The following KCNQ3 variants were observed in gnomAD, a reference collection of about 807,000 sequenced individuals.
KCNQ3 encodes potassium voltage-gated channel subfamily KQT member 3.
A neutral mutation model predicts 92.5 loss-of-function variants in KCNQ3; 30 were observed. The observed-to-expected ratio is 0.32, with a 90% CI of 0.24 to 0.44. KCNQ3 has a LOEUF of 0.44. Among genes scored for constraint, KCNQ3 ranks in the 20% least tolerant of loss-of-function variants. The pLI is 1.00. For missense variants in KCNQ3, 913 were observed against 1,140.3 expected (o/e 0.80, Z 2.87); for synonymous variants, 450 against 468.8 (o/e 0.96, Z 0.52).
chr8:132,335,006 C>T, intron 1 of KCNQ3, among the ~76,000 whole-genome samples: 1 of 147,144 alleles, frequency 6.8e-6, no homozygotes, highest in Non-Finnish European at 1.5e-5. Context: ...TCCTTCCTTC[C>T]TTCCTTCCTT....
chr8:132,332,501 T>C (rs891277319), intron 1 of KCNQ3, among the ~76,000 whole-genome samples: 10 of 152,224 alleles, frequency 6.6e-5, no homozygotes, highest in African/African-American at 2.2e-4. Flanking sequence ...ACAGAGATGA[T>C]GAATCAATTC....
intron 1 of KCNQ3, among the ~76,000 whole-genome samples, chr8:132,332,558 C>G (rs904122203): frequency 6.6e-5 from 10 of 152,212 alleles, no homozygotes; most frequent in Admixed American, 5.2e-4. Flanking sequence ...GGTGACCTAA[C>G]AGTGGGTTCC....
Position 132,480,244 on chromosome 8 carries a change from C to T in KCNQ3, c.289G>A (p.Val97Ile), listed in dbSNP as rs1377968627. ...LLAKTPLSRP[V>I]KRNNAKYRRI... ...CGGTACTTGGCGTTGTTTCTCTTGA[C>T]TGGGCGGCTCAGCGGGGTCTTGGCC... is the stretch of plus-strand genomic sequence containing the variant. The change falls in exon 1 of 15, where the codon GTC becomes ATC. Residue 97 changes from valine to isoleucine, a missense_variant. Val to Ile is a conservative substitution (Grantham distance 29). Around this residue, in one of 6 missense-constraint regions of KCNQ3, gnomAD observed 183 missense variants for 167.7 expected, o/e 1.09. Transcript: ENST00000388996. The T allele has an allele frequency of 6.2e-7, 1 of 1,613,228 alleles. No homozygotes were observed. Among genetic ancestry groups the T allele is most frequent in the Admixed American group, 1.7e-5 (1 of 59,980 alleles).
Position 132,450,238 on chromosome 8 carries a change from G to A in KCNQ3, c.386+29909C>T, listed in dbSNP as rs371194160. Among the ~76,000 whole-genome samples, 31 of 152,200 alleles carry A rather than the reference G, an allele frequency of 2.0e-4. No individual in the cohort carries two copies. In the East Asian group the frequency reaches 4.5e-3, roughly 22 times the overall value. ...GTCCTGCTGATTGGTCCATTTTACA[G>A]AGTGCTGATTGGTCCATTTTACAGA... On this transcript the variant is annotated intron_variant, in intron 1 of 14. Coordinates refer to ENST00000388996, the MANE Select transcript of KCNQ3 (RefSeq NM_004519.4).
chr8:132,138,149 C>A (rs755207352), intron 11 of KCNQ3, 133 bp from the exon 12 acceptor site: 26 of 1,026,834 alleles, frequency 2.5e-5, no homozygotes, highest in Admixed American at 1.9e-4. Flanking sequence ...GAACTTCCAA[C>A]GTTTGGTTCT....
rs1003748776 is a variant in KCNQ3 at position 132,261,065 on chromosome 8, A to G, written c.387-74884T>C. On this transcript the variant is annotated intron_variant, in intron 1 of 14. Transcript: ENST00000388996. ...TCACTCCAGAAAGAAACCCCATACC[A>G]ATTCACTATGCTCAACAGCCCTAGT... is the stretch of plus-strand genomic sequence containing the variant. 9.9e-5 allele frequency among the ~76,000 whole-genome samples: 15 copies of G among 152,192 alleles called. 1 individual carries two copies. Among genetic ancestry groups the G allele is most frequent in the Admixed American group, 9.8e-4 (15 of 15,282 alleles).
chr8:132,347,575 A>C (rs539624084), intron 1 of KCNQ3, among the ~76,000 whole-genome samples: 1 of 152,326 alleles, frequency 6.6e-6, no homozygotes, highest in East Asian at 1.9e-4. Context: ...CCCTCAGAGC[A>C]AAGGGCAGCA....
At chr8:132,165,904 A>G (rs1013578281) in intron 8 of KCNQ3, among the ~76,000 whole-genome samples, 3 of 152,260 alleles carry the variant, frequency 2.0e-5, no homozygotes, top group Admixed American at 6.5e-5. Context: ...TAAAGCTTAA[A>G]TAAGATAGTA....
chr8:132,229,532 AATTC>A (rs1342896470), intron 1 of KCNQ3, among the ~76,000 whole-genome samples: 2 of 152,052 alleles, frequency 1.3e-5, no homozygotes, highest in East Asian at 3.9e-4. Flanking sequence ...AAGTTGATGA[AATTC>A]ATTTTGAAGG....
chr8:132,320,124 CTG>C (rs1368498397), intron 1 of KCNQ3, among the ~76,000 whole-genome samples: 1 of 152,184 alleles, frequency 6.6e-6, no homozygotes. Flanking sequence ...CTTTGGGAAA[CTG>C]GTATGTGGTT....
At chr8:132,356,086 T>C (rs1819011095) in intron 1 of KCNQ3, among the ~76,000 whole-genome samples, 1 of 152,188 alleles carries the variant, frequency 6.6e-6, no homozygotes, top group Non-Finnish European at 1.5e-5. Flanking sequence ...TCTATAAAAA[T>C]GGTGAAAATC....
chr8:132,478,031 C>T (rs997816978), intron 1 of KCNQ3, among the ~76,000 whole-genome samples: 5 of 152,086 alleles, frequency 3.3e-5, no homozygotes, highest in Non-Finnish European at 7.4e-5. Context: ...TCTAATAGTA[C>T]TGTGTGAGGA....
chr8:132,129,772 G>A lies in KCNQ3; in HGVS notation c.2109C>T (p.Thr703=), dbSNP rs768147148. The A allele has an allele frequency of 6.2e-7, 1 of 1,614,182 alleles. No homozygotes were observed. The highest frequency in any genetic ancestry group is 2.2e-5 in the East Asian group (1 of 44,856). Residue 703 remains threonine (T), a synonymous_variant, in exon 15 of 15, where the codon ACC becomes ACT. Coordinates refer to ENST00000388996, the MANE Select transcript of KCNQ3 (RefSeq NM_004519.4). This position sits in a 1 kb window ranked among gnomAD's most constrained non-coding sequence, Gnocchi z 5.9. The part of the protein sequence containing the change: ...PEPPYSFHQV[T]IDKVSPYGFF... ...ACCCATAGGGGCTGACTTTGTCAAT[G>A]GTCACCTGGTGGAAGCTGTAGGGTG...
At chr8:132,338,774 T>A (rs904998808) in intron 1 of KCNQ3, among the ~76,000 whole-genome samples, 3 of 152,030 alleles carry the variant, frequency 2.0e-5, no homozygotes, top group Non-Finnish European at 4.4e-5. Flanking sequence ...TGGCAGAAAA[T>A]AGGCAGGAAA....
chr8:132,443,554 C>T (rs1193117306), intron 1 of KCNQ3, among the ~76,000 whole-genome samples: 1 of 151,784 alleles, frequency 6.6e-6, no homozygotes, highest in African/African-American at 2.4e-5. Flanking sequence ...AATCCATCAT[C>T]CCCCACTACC....
intron 1 of KCNQ3, among the ~76,000 whole-genome samples, chr8:132,287,617 C>T (rs570838145): frequency 6.6e-6 from 1 of 152,276 alleles, no homozygotes; most frequent in South Asian, 2.1e-4. Context: ...ATATTTTATT[C>T]CTTGCTACAA....
intron 1 of KCNQ3, among the ~76,000 whole-genome samples, chr8:132,314,909 G>A (rs1817696345): frequency 1.3e-5 from 2 of 152,148 alleles, no homozygotes; most frequent in South Asian, 4.2e-4. Flanking sequence ...CGCATGCTGT[G>A]ATAGAAAAAC....
At position 132,132,196 on chromosome 8, in the gene KCNQ3, A is replaced by G; in HGVS notation, c.1868T>C (p.Val623Ala). The G allele has an allele frequency of 6.2e-7, 1 of 1,611,982 alleles. No homozygotes were observed. Among genetic ancestry groups the G allele is most frequent in the Non-Finnish European group, 8.5e-7 (1 of 1,178,012 alleles). ...AAGACTTACCTGTCTTTCAACTTTT[A>G]CAAACTTCCCCATCATGCTTTGGTC... is the stretch of plus-strand genomic sequence containing the variant. ...IEDQSMMGKF[V>A]KVERQVQDMG... The change falls in exon 14 of 15, where the codon GTA (valine) becomes GCA (alanine). Residue 623 changes from valine (V) to alanine (A), a missense_variant. By Grantham distance (64) the Val-to-Ala change is moderately conservative. Coordinates refer to ENST00000388996, the MANE Select transcript of KCNQ3 (RefSeq NM_004519.4).
chr8:132,213,584 C>G (rs1813932891), intron 1 of KCNQ3, among the ~76,000 whole-genome samples: 1 of 152,218 alleles, frequency 6.6e-6, no homozygotes, highest in African/African-American at 2.4e-5. Context: ...CATGTCACCC[C>G]TCTCATGCTG....
Sources: gnomAD v4.1 joint callset for allele counts (sites outside exome capture counted in the v4.1 genomes callset) on GRCh38, gnomAD v4.1.1 for gene constraint, gnomAD v4.1.1 regional missense constraint, Gnocchi (gnomAD v3.1) non-coding constraint, MANE v1.5 for transcripts, NCBI Gene and HGNC (gene_info 2026-07-23, HGNC 2026-07-21) for gene names.